Variants in JAKMIP3 observed in about 807,000 individuals in gnomAD.
JAKMIP3 encodes Janus kinase and microtubule interacting protein 3.
Under a neutral mutation model 118.5 loss-of-function variants are expected in JAKMIP3, and 58 were observed. The observed-to-expected ratio is 0.49, with a 90% CI of 0.40 to 0.61. The LOEUF (loss-of-function observed/expected upper bound fraction) is 0.61, where lower values mean the gene tolerates loss of function less well. Ranked by LOEUF, JAKMIP3 falls within the 20% of genes least tolerant of loss-of-function variation. The probability of loss-of-function intolerance (pLI) is 0.00; values close to 1 mark genes in which losing one functional copy is unlikely to be tolerated. For missense variants in JAKMIP3, 950 were observed against 1,109.0 expected (o/e 0.86, Z 2.04); for synonymous variants, 486 against 451.2 (o/e 1.08, Z -0.98).
At chr10:132,096,777 G>T (rs1401388759) in intron 1 of JAKMIP3, among the ~76,000 whole-genome samples, 1 of 152,170 alleles carries the variant, frequency 6.6e-6, no homozygotes, top group African/African-American at 2.4e-5. Flanking sequence ...TGAAAGGCAG[G>T]CTGGAGAAAG....
At chr10:132,166,295 C>A (rs572719861) in intron 21 of JAKMIP3, among the ~76,000 whole-genome samples, 1 of 152,264 alleles carries the variant, frequency 6.6e-6, no homozygotes, top group South Asian at 2.1e-4. Context: ...CACTGCACTC[C>A]AGACTGGGTG....
intron 9 of JAKMIP3, among the ~76,000 whole-genome samples, chr10:132,138,461 C>T (rs572454370): frequency 3.7e-4 from 56 of 151,966 alleles, no homozygotes; most frequent in African/African-American, 1.2e-3. Flanking sequence ...CCGAGGACCG[C>T]GCCCGCGTGT....
At chr10:132,162,774 G>T (rs2058488664) in intron 19 of JAKMIP3, among the ~76,000 whole-genome samples, 1 of 152,192 alleles carries the variant, frequency 6.6e-6, no homozygotes, top group African/African-American at 2.4e-5. Context: ...TGGCTGCTGG[G>T]TTATTATGTA....
intron 1 of JAKMIP3, among the ~76,000 whole-genome samples, chr10:132,093,196 A>G (rs1395966529): frequency 6.6e-6 from 1 of 152,124 alleles, no homozygotes; most frequent in Non-Finnish European, 1.5e-5. Flanking sequence ...GGTGCCTCCC[A>G]GTTAGGCTAC....
rs538197266 is a variant in JAKMIP3, at chr10:132,072,020, C to T, written c.-138+5959C>T. Among the ~76,000 whole-genome samples, 15 of 151,612 alleles carry T rather than the reference C, an allele frequency of 9.9e-5. No homozygotes were observed. The South Asian group carries it at 1.9e-3, about 19-fold the overall frequency. On this transcript the variant is annotated intron_variant, in intron 1 of 23. Coordinates refer to ENST00000684848, the MANE Select transcript of JAKMIP3 (RefSeq NM_001323087.2). Reference sequence around the variant, plus strand: ...AGTCTGGAGTGCAATGGCACGATCTCGGCTCACTGCAACCTCTGCCTCCCA... The same window carrying T: ...AGTCTGGAGTGCAATGGCACGATCTTGGCTCACTGCAACCTCTGCCTCCCA...
At chr10:132,082,966 T>G (rs2041971133) in intron 1 of JAKMIP3, among the ~76,000 whole-genome samples, 1 of 152,232 alleles carries the variant, frequency 6.6e-6, no homozygotes, top group South Asian at 2.1e-4. Flanking sequence ...GGTTCCACAT[T>G]TTTGCAATTG....
At chr10:132,057,532 A>G (rs1484830611) in intron 1 of JAKMIP3, among the ~76,000 whole-genome samples, 4 of 152,200 alleles carry the variant, frequency 2.6e-5, no homozygotes, top group Non-Finnish European at 5.9e-5. Flanking sequence ...TAGTGTCAGA[A>G]CTGCATGAGA....
intron 1 of JAKMIP3, among the ~76,000 whole-genome samples, chr10:132,094,703 G>A (rs961843121): frequency 3.9e-5 from 6 of 152,134 alleles, no homozygotes; most frequent in African/African-American, 4.8e-5. Context: ...TTTTTGTGCC[G>A]GTTGGCCTCC....
intron 2 of JAKMIP3, among the ~76,000 whole-genome samples, chr10:132,108,344 C>G (rs1589829959): frequency 9.7e-6 from 1 of 103,570 alleles, no homozygotes; most frequent in African/African-American, 3.3e-5. Flanking sequence ...TCTCCCTCTC[C>G]CAGCCCTTTC....
intron 3 of JAKMIP3, among the ~76,000 whole-genome samples, chr10:132,126,362 G>T (rs368220184): frequency 1.3e-5 from 2 of 151,840 alleles, no homozygotes; most frequent in South Asian, 2.1e-4. Flanking sequence ...GAGTGCAGTG[G>T]TAAGATCACA....
intron 23 of JAKMIP3, among the ~76,000 whole-genome samples, 195 bp downstream of exon 23, chr10:132,169,228 C>T (rs2136755575): frequency 6.6e-6 from 1 of 152,306 alleles, no homozygotes; most frequent in African/African-American, 2.4e-5. Context: ...GTGGCGTGAG[C>T]TGTCGCTGGG....
intron 1 of JAKMIP3, among the ~76,000 whole-genome samples, chr10:132,102,050 T>G (rs1017279216): frequency 6.6e-6 from 1 of 152,014 alleles, no homozygotes; most frequent in Admixed American, 6.5e-5. Context: ...TGTCTCCCCT[T>G]AGAGCAGCTT....
intron 4 of JAKMIP3, 112 bp from the exon 5 acceptor site, chr10:132,134,929 T>G (rs1589900281): frequency 1.5e-6 from 2 of 1,332,324 alleles, no homozygotes; most frequent in Non-Finnish European, 2.1e-6. Flanking sequence ...CGCGTGGAGG[T>G]AAAGGCGCGC....
upstream of JAKMIP3, among the ~76,000 whole-genome samples, chr10:132,036,436 G>C (rs1016189180): frequency 2.6e-5 from 4 of 152,184 alleles, no homozygotes; most frequent in African/African-American, 9.6e-5. Context: ...GGCGGCGCCC[G>C]GTGCCCGGCT....
At chr10:132,038,511 C>A (rs1210460982) in intron 1 of JAKMIP3, among the ~76,000 whole-genome samples, 1 of 152,132 alleles carries the variant, frequency 6.6e-6, no homozygotes, top group Non-Finnish European at 1.5e-5. Flanking sequence ...AAATAGTCAA[C>A]CATGGCCAGG....
rs143134159 is a variant in JAKMIP3, at chr10:132,082,533, C to T, written c.-138+16472C>T. On this transcript the variant is annotated intron_variant, in intron 1 of 23. Transcript: ENST00000684848. ...TTGGAATAATAATCTACAGTCTCCTCCAGGTTGCTGCGAATGCCATTAATT... is the reference window on the plus strand; with the variant it reads ...TTGGAATAATAATCTACAGTCTCCTTCAGGTTGCTGCGAATGCCATTAATT... Among the ~76,000 whole-genome samples, 944 of 152,236 alleles carry T rather than the reference C, an allele frequency of 6.2e-3. 9 individuals are homozygous for T. Among genetic ancestry groups the T allele is most frequent in the Non-Finnish European group, 6.7e-3 (455 of 68,014 alleles).
In JAKMIP3 at chr10:132,043,378, T is replaced by TTG. The variant is rs552418772; in HGVS notation, c.-138+6654_-138+6655dup. 1.1e-3 allele frequency among the ~76,000 whole-genome samples: 162 copies of TTG among 151,270 alleles called. 1 individual carries two copies. Among genetic ancestry groups the TTG allele is most frequent in the African/African-American group, 2.8e-3 (115 of 41,298 alleles). On this transcript the variant is annotated intron_variant, in intron 1 of 23. Transcript: ENST00000657785. ...AGCCACTGCACCTGGCCCTTTCCGTTTGTGTGTGTGTGTGTATGTTTGTGT... is the reference window on the plus strand; with the variant it reads ...AGCCACTGCACCTGGCCCTTTCCGTTTGTGTGTGTGTGTGTGTATGTTTGTGT...
At chr10:132,065,863 G>A (rs75054509), upstream of JAKMIP3, among the ~76,000 whole-genome samples, 4,305 of 152,248 alleles carry the variant, frequency 0.028, 188 homozygotes, top group African/African-American at 0.098. The surrounding 1 kb of genome is among the most constrained non-coding windows in gnomAD (Gnocchi z 5.6). Context: ...GAAACAGCTC[G>A]GGGAAATGGT....
chr10:132,136,008 G>A lies in JAKMIP3; in HGVS notation c.1048G>A (p.Asp350Asn). Residue 350 changes from aspartate to asparagine, a missense_variant, in exon 6 of 24, where the codon GAT (aspartate) becomes AAT (asparagine). Transcript: ENST00000684848. ...KNKRLSRKNE[D>N]LSHALRRMEN... ...CAAGCGCCTCAGTCGGAAGAACGAG[G>A]ATTTGTCTCATGCTTTACGCCGAAT... 6.2e-7 allele frequency: 1 copy of A among 1,613,690 alleles called. No homozygotes were observed. Among genetic ancestry groups the A allele is most frequent in the South Asian group, 1.1e-5 (1 of 91,076 alleles).
Sources: gnomAD v4.1 joint callset for allele counts (sites outside exome capture counted in the v4.1 genomes callset) on GRCh38, gnomAD v4.1.1 for gene constraint, Gnocchi (gnomAD v3.1) non-coding constraint, MANE v1.5 for transcripts, NCBI Gene and HGNC (gene_info 2026-07-23, HGNC 2026-07-21) for gene names.